GRIA4: variants seen among roughly 807,000 people sequenced by gnomAD.
The protein encoded by GRIA4 is glutamate ionotropic receptor AMPA type subunit 4, also known as glutamate receptor 4.
In GRIA4, 34 loss-of-function variants were observed where a neutral mutation model predicts 104.0. The observed-to-expected ratio is 0.33, with a 90% CI of 0.25 to 0.44. The LOEUF is 0.44. Ranked by LOEUF, GRIA4 falls within the 20% of genes least tolerant of loss-of-function variation. The pLI, the probability that GRIA4 is intolerant of heterozygous loss-of-function variation, is 1.00. For synonymous variants in GRIA4, 386 were observed against 381.9 expected (o/e 1.01, Z -0.13); for missense variants, 750 against 1,096.5 (o/e 0.68, Z 4.46).
intron 4 of GRIA4, among the ~76,000 whole-genome samples, chr11:105,854,826 A>G (rs182460508): frequency 8.2e-4 from 125 of 152,242 alleles, no homozygotes; most frequent in African/African-American, 2.9e-3. Context: ...AGTGTGGTGA[A>G]AAGTCCCTAA....
At chr11:105,923,195 T>C (rs1233664525) in intron 11 of GRIA4, among the ~76,000 whole-genome samples, 3 of 152,160 alleles carry the variant, frequency 2.0e-5, no homozygotes, top group African/African-American at 7.2e-5. Context: ...TCTGACTCCA[T>C]TTTAATATCA....
chr11:105,904,847 A>G (rs1946985757), intron 8 of GRIA4, among the ~76,000 whole-genome samples: 1 of 152,184 alleles, frequency 6.6e-6, no homozygotes, highest in South Asian at 2.1e-4. Flanking sequence ...TATTTAATCC[A>G]TTTTGTGGAT....
chr11:105,811,149 T>C (rs1170364446), intron 4 of GRIA4, among the ~76,000 whole-genome samples: 1 of 152,086 alleles, frequency 6.6e-6, no homozygotes, highest in Non-Finnish European at 1.5e-5. Flanking sequence ...TTTATGTAGT[T>C]AGAGGAGAGA....
intron 4 of GRIA4, among the ~76,000 whole-genome samples, chr11:105,762,289 G>T (rs544862137): frequency 1.3e-5 from 2 of 152,190 alleles, no homozygotes; most frequent in Non-Finnish European, 2.9e-5. Flanking sequence ...CTCCCAGAGT[G>T]CTGGGATTAC....
chr11:105,796,226 C>CA (rs1253743529), intron 4 of GRIA4, among the ~76,000 whole-genome samples: 1 of 152,136 alleles, frequency 6.6e-6, no homozygotes, highest in Non-Finnish European at 1.5e-5. Flanking sequence ...AAATGCAGTA[C>CA]ATTTGGCAAG....
chr11:105,819,523 G>A (rs1396151510), intron 4 of GRIA4, among the ~76,000 whole-genome samples: 1 of 152,048 alleles, frequency 6.6e-6, no homozygotes, highest in East Asian at 1.9e-4. Flanking sequence ...ATCGTTGACA[G>A]TGTACCAAAA....
At chr11:105,891,970 G>C (rs1946470204) in intron 6 of GRIA4, among the ~76,000 whole-genome samples, 1 of 151,892 alleles carries the variant, frequency 6.6e-6, no homozygotes, top group African/African-American at 2.4e-5. Flanking sequence ...TATTATAATT[G>C]CTTTAATTTG....
chr11:105,933,025 G>A (rs894892502), intron 13 of GRIA4, among the ~76,000 whole-genome samples: 11 of 152,048 alleles, frequency 7.2e-5, no homozygotes, highest in African/African-American at 1.9e-4. Context: ...GATTGCTTGA[G>A]GTCAAGAGTT....
chr11:105,814,606 A>G (rs1368256797), intron 4 of GRIA4, among the ~76,000 whole-genome samples: 3 of 152,212 alleles, frequency 2.0e-5, no homozygotes, highest in Non-Finnish European at 4.4e-5. Context: ...TAAAATGCGT[A>G]GTAGAGTGAC....
intron 4 of GRIA4, among the ~76,000 whole-genome samples, chr11:105,804,249 T>C (rs1055855437): frequency 6.6e-6 from 1 of 151,914 alleles, no homozygotes; most frequent in South Asian, 2.1e-4. Flanking sequence ...ATTAAAGACA[T>C]GTTATGATGT....
Position 105,691,935 on chromosome 11 carries a change from C to CAAAAA in GRIA4, c.248-61030_248-61026dup, listed in dbSNP as rs202074069. On this transcript the variant is annotated intron_variant, in intron 3 of 16. Coordinates refer to ENST00000282499, the MANE Select transcript of GRIA4 (RefSeq NM_000829.4). Reference sequence around the variant, plus strand: ...GGGCTACAAGAGCAAAACTCCGTCTCAAAAAAAAAAAAAAAAAAAAGTAAA... The same window carrying CAAAAA: ...GGGCTACAAGAGCAAAACTCCGTCTCAAAAAAAAAAAAAAAAAAAAAAAAAGTAAA... Among the ~76,000 whole-genome samples, 21 of 76,194 alleles carry CAAAAA rather than the reference C, an allele frequency of 2.8e-4. 1 individual carries two copies. Among genetic ancestry groups the CAAAAA allele is most frequent in the South Asian group, 5.0e-4 (1 of 1,982 alleles). 50.0% of individuals were successfully genotyped at this position (76,194 alleles called of 152,430 possible). A position where few individuals can be genotyped will look rare whatever the true frequency, so the allele number is the denominator to read the frequency against.
intron 4 of GRIA4, among the ~76,000 whole-genome samples, chr11:105,807,645 G>T (rs892260371): frequency 2.6e-5 from 4 of 151,648 alleles, no homozygotes; most frequent in Non-Finnish European, 5.9e-5. Context: ...TTCTGCTTTG[G>T]TTTTTATGAA....
At chr11:105,721,131 A>G (rs1000624102) in intron 3 of GRIA4, among the ~76,000 whole-genome samples, 3 of 151,942 alleles carry the variant, frequency 2.0e-5, no homozygotes, top group African/African-American at 7.3e-5. Context: ...TTTGGGCCCT[A>G]TGTTTTGGGG....
chr11:105,955,543 T>C (rs1273979129), intron 14 of GRIA4, among the ~76,000 whole-genome samples: 1 of 152,230 alleles, frequency 6.6e-6, no homozygotes, highest in Non-Finnish European at 1.5e-5. Flanking sequence ...TATTGGTCGG[T>C]TCCATGTCTT....
At chr11:105,766,732 C>A (rs1940962931) in intron 4 of GRIA4, among the ~76,000 whole-genome samples, 1 of 151,998 alleles carries the variant, frequency 6.6e-6, no homozygotes, top group South Asian at 2.1e-4. Context: ...CAGTGGCTTC[C>A]TAGCTCATTC....
chr11:105,883,855 G>A (rs1946157035), intron 5 of GRIA4, among the ~76,000 whole-genome samples: 1 of 152,120 alleles, frequency 6.6e-6, no homozygotes, highest in Admixed American at 6.6e-5. Context: ...TCGCCCCACT[G>A]TCTTCTACAA....
rs564212455 is a variant in GRIA4 at position 105,738,943 on chromosome 11, A to C, written c.248-14038A>C. ...AGTAAAAAAAAACAAAAAAAAAAAAAACAAAAAAAACCCAAAAAAAAACCC... is the reference window on the plus strand; with the variant it reads ...AGTAAAAAAAAACAAAAAAAAAAAACACAAAAAAAACCCAAAAAAAAACCC... On this transcript the variant is annotated intron_variant, in intron 3 of 16. Coordinates refer to ENST00000282499, the MANE Select transcript of GRIA4 (RefSeq NM_000829.4). Among the ~76,000 whole-genome samples, 417 of 115,214 alleles carry C rather than the reference A, an allele frequency of 3.6e-3. 2 individuals carry two copies. Among genetic ancestry groups the C allele is most frequent in the African/African-American group, 0.011 (402 of 37,282 alleles). The allele number at this position is 115,214 out of a possible 152,430, so 75.6% of individuals were successfully genotyped here.
chr11:105,799,263 G>A (rs1436384232), intron 4 of GRIA4, among the ~76,000 whole-genome samples: 4 of 152,078 alleles, frequency 2.6e-5, no homozygotes, highest in Admixed American at 2.6e-4. Flanking sequence ...GTGATCACTG[G>A]TGACCTTCTC....
At chr11:105,770,411 T>C (rs932605280) in intron 4 of GRIA4, among the ~76,000 whole-genome samples, 2 of 152,080 alleles carry the variant, frequency 1.3e-5, no homozygotes, top group African/African-American at 4.8e-5. Context: ...TCTTAGTTTC[T>C]CAACATATGT....
Sources: allele counts gnomAD v4.1 joint callset (sites outside exome capture counted in the v4.1 genomes callset), GRCh38; gene constraint gnomAD v4.1.1; transcripts MANE v1.5; gene names NCBI Gene and HGNC (gene_info 2026-07-23, HGNC 2026-07-21).